EPHB1: variants seen among roughly 807,000 people sequenced by gnomAD.
The protein encoded by EPHB1 is ephrin type-B receptor 1.
In EPHB1, 30 loss-of-function variants were observed where a neutral mutation model predicts 94.4. The ratio of observed to expected loss-of-function variants is 0.32; its 90% CI spans 0.24 to 0.43. EPHB1 has a LOEUF of 0.43. EPHB1 is among the 20% of genes least tolerant of loss of function. The pLI, the probability that EPHB1 is intolerant of heterozygous loss-of-function variation, is 1.00. For missense variants in EPHB1, 1,055 were observed against 1,308.3 expected, an observed-to-expected ratio of 0.81 and a Z score of 2.99; for synonymous variants, 522 against 489.1, an observed-to-expected ratio of 1.07 and a Z score of -0.89.
intron 10 of EPHB1, among the ~76,000 whole-genome samples, chr3:135,184,286 A>G (rs967044637): frequency 3.9e-5 from 6 of 152,156 alleles, no homozygotes; most frequent in South Asian, 2.1e-4. Context: ...AGACCCACGG[A>G]GGGAAAGTTC....
chr3:134,944,308 T>C (rs904448506), intron 2 of EPHB1, among the ~76,000 whole-genome samples: 4 of 152,202 alleles, frequency 2.6e-5, no homozygotes, highest in African/African-American at 9.7e-5. Flanking sequence ...TCATTCTTTT[T>C]TATTTTGGAA....
intron 3 of EPHB1, among the ~76,000 whole-genome samples, chr3:135,010,285 C>T (rs1236524460): frequency 6.6e-6 from 1 of 152,090 alleles, no homozygotes; most frequent in Non-Finnish European, 1.5e-5. Context: ...ACTTCCTCTC[C>T]TTCCCTCATC....
At chr3:134,837,344 G>A (rs2036690887) in intron 1 of EPHB1, among the ~76,000 whole-genome samples, 1 of 152,166 alleles carries the variant, frequency 6.6e-6, no homozygotes, top group African/African-American at 2.4e-5. Context: ...TATTTTTTAA[G>A]TTGAAATTAA....
intron 1 of EPHB1, among the ~76,000 whole-genome samples, chr3:134,814,313 A>G (rs1446833410): frequency 6.6e-6 from 1 of 152,210 alleles, no homozygotes; most frequent in East Asian, 1.9e-4. Flanking sequence ...CTGGGCCTTG[A>G]ACATGTAGAG....
intron 7 of EPHB1, among the ~76,000 whole-genome samples, chr3:135,163,206 A>G (rs940427162): frequency 2.0e-5 from 3 of 152,244 alleles, no homozygotes; most frequent in African/African-American, 7.2e-5. Context: ...ATTAATTGGA[A>G]ACTTTTAAAA....
chr3:135,111,085 A>G (rs1939424030), intron 4 of EPHB1, among the ~76,000 whole-genome samples: 2 of 152,210 alleles, frequency 1.3e-5, no homozygotes, highest in Non-Finnish European at 2.9e-5. Context: ...TTTGGTGGCC[A>G]TAGAGCATTG....
At chr3:135,096,846 C>T (rs541006741) in intron 3 of EPHB1, among the ~76,000 whole-genome samples, 1 of 152,260 alleles carries the variant, frequency 6.6e-6, no homozygotes, top group East Asian at 1.9e-4. Context: ...GCCTGTAGTG[C>T]CAGCACTTTG....
chr3:135,137,944 A>G (rs1940679921), intron 5 of EPHB1, among the ~76,000 whole-genome samples: 1 of 152,226 alleles, frequency 6.6e-6, no homozygotes, highest in Non-Finnish European at 1.5e-5. Context: ...AAACGAAAGT[A>G]GCAAAGTCTG....
At position 134,903,872 on chromosome 3, in the gene EPHB1, C is replaced by T. The variant is rs534816984; in HGVS notation, c.59-21944C>T. Among the ~76,000 whole-genome samples the T allele has an allele frequency of 7.9e-5, 12 of 152,332 alleles. No individual in the cohort carries two copies. In the East Asian group the frequency reaches 1.3e-3, roughly 17 times the overall value. On this transcript the variant is annotated intron_variant, in intron 1 of 15. Transcript: ENST00000398015. ...CAGTGAATCCACAGGAGAGAAGTTT[C>T]ACTGTGACCCCACCGCAGCCAGATG...
intron 6 of EPHB1, among the ~76,000 whole-genome samples, chr3:135,154,969 C>A (rs890412958): frequency 6.6e-6 from 1 of 152,142 alleles, no homozygotes; most frequent in Non-Finnish European, 1.5e-5. Context: ...TCCGTTTTAA[C>A]CCAACACATT....
chr3:135,029,105 G>T, intron 3 of EPHB1, among the ~76,000 whole-genome samples: 1 of 93,236 alleles, frequency 1.1e-5, no homozygotes, highest in Admixed American at 1.3e-4. Context: ...CTTTTATTTT[G>T]AGCCTATGTG....
At chr3:135,058,821 G>A (rs1239747378) in intron 3 of EPHB1, among the ~76,000 whole-genome samples, 1 of 152,180 alleles carries the variant, frequency 6.6e-6, no homozygotes, top group South Asian at 2.1e-4. Context: ...TTGTAGGTGG[G>A]TTTCTTCCCT....
At chr3:134,873,079 C>A (rs2037536502) in intron 1 of EPHB1, among the ~76,000 whole-genome samples, 1 of 152,224 alleles carries the variant, frequency 6.6e-6, no homozygotes, top group African/African-American at 2.4e-5. Context: ...TCAGCATAGA[C>A]TCTTAAACTA....
intron 9 of EPHB1, among the ~76,000 whole-genome samples, chr3:135,168,384 C>G (rs977900125): frequency 6.6e-6 from 1 of 152,250 alleles, no homozygotes; most frequent in Non-Finnish European, 1.5e-5. Flanking sequence ...ATTCCTCTTT[C>G]TTTCTCTCCC....
rs562378709 is a variant in EPHB1, at chr3:135,092,169, G to A, written c.806-14279G>A. On this transcript the variant is annotated intron_variant, in intron 3 of 15. Transcript: ENST00000398015. ...TGGTGTTTTTAGAACACTGGCAGCC[G>A]GGCACTGAGAAGGGTGGAGACTGGG... Among the ~76,000 whole-genome samples the A allele has an allele frequency of 2.6e-5, 4 of 152,126 alleles. No homozygotes were observed. The East Asian group carries it at 5.8e-4, about 22-fold the overall frequency.
chr3:134,808,856 A>G (rs575073362), intron 1 of EPHB1, among the ~76,000 whole-genome samples: 1 of 152,376 alleles, frequency 6.6e-6, no homozygotes, highest in Admixed American at 6.5e-5. Context: ...GGGCATCTCA[A>G]CTAGACTGAA....
chr3:134,855,004 T>C (rs2108301265), intron 1 of EPHB1, among the ~76,000 whole-genome samples: 1 of 152,344 alleles, frequency 6.6e-6, no homozygotes, highest in South Asian at 2.1e-4. Context: ...CTCCTATACA[T>C]GAGTGCACAA....
In EPHB1 at chr3:134,889,830, AC is replaced by A. The variant is rs1250700981; in HGVS notation, c.59-35984del. ...GAAGCTGGGACTACCGGTGCCCGCCACCACACCCGGCTAATTTTTTTGTATT... is the reference window on the plus strand; with the variant it reads ...GAAGCTGGGACTACCGGTGCCCGCCACACACCCGGCTAATTTTTTTGTATT... On this transcript the variant is annotated intron_variant, in intron 1 of 15. Coordinates refer to ENST00000398015, the MANE Select transcript of EPHB1 (RefSeq NM_004441.5). Among the ~76,000 whole-genome samples the A allele has an allele frequency of 2.0e-5, 3 of 149,580 alleles. No homozygotes were observed. In the East Asian group the frequency reaches 6.0e-4, roughly 30 times the overall value.
At chr3:134,944,024 G>T (rs2039171799) in intron 2 of EPHB1, among the ~76,000 whole-genome samples, 1 of 152,024 alleles carries the variant, frequency 6.6e-6, no homozygotes, top group African/African-American at 2.4e-5. Flanking sequence ...TAATTTTTTT[G>T]TAAACTTACA....
Sources: allele counts gnomAD v4.1 joint callset (sites outside exome capture counted in the v4.1 genomes callset), GRCh38; gene constraint gnomAD v4.1.1; transcripts MANE v1.5; gene names NCBI Gene and HGNC (gene_info 2026-07-23, HGNC 2026-07-21).